The following PRKN variants were observed in gnomAD, a reference collection of about 807,000 sequenced individuals.
PRKN encodes the protein parkin RBR E3 ubiquitin protein ligase, also known as E3 ubiquitin-protein ligase parkin.
PRKN carries 56 observed loss-of-function variants against 59.5 expected under a neutral mutation model. The ratio of observed to expected loss-of-function variants is 0.94; its 90% confidence interval spans 0.76 to 1.18. The LOEUF (loss-of-function observed/expected upper bound fraction) is 1.18. PRKN is among the 50% of genes most tolerant of loss of function. The pLI is 0.00. For missense variants in PRKN, 657 were observed against 596.4 expected, an observed-to-expected ratio of 1.10 and a Z score of -1.06; for synonymous variants, 250 against 222.1, an observed-to-expected ratio of 1.13 and a Z score of -1.12.
At chr6:161,702,875 T>C (rs1371168464) in intron 7 of PRKN, among the ~76,000 whole-genome samples, 1 of 152,054 alleles carries the variant, frequency 6.6e-6, no homozygotes, top group African/African-American at 2.4e-5. Flanking sequence ...ATTTGATAAA[T>C]TGTATTTTAT....
At chr6:161,784,753 C>T (rs902522473) in intron 7 of PRKN, among the ~76,000 whole-genome samples, 2 of 151,982 alleles carry the variant, frequency 1.3e-5, no homozygotes, top group Non-Finnish European at 2.9e-5. Flanking sequence ...TTCTGCTTCT[C>T]GGTATATATC....
At chr6:162,210,314 AAAT>A (rs1785153018) in intron 3 of PRKN, among the ~76,000 whole-genome samples, 1 of 152,012 alleles carries the variant, frequency 6.6e-6, no homozygotes, top group Non-Finnish European at 1.5e-5. Flanking sequence ...AGGATTTTAA[AAAT>A]AATAATGGAG....
At chr6:161,675,619 T>A (rs559648176) in intron 7 of PRKN, among the ~76,000 whole-genome samples, 1 of 152,182 alleles carries the variant, frequency 6.6e-6, no homozygotes, top group Admixed American at 6.5e-5. Context: ...CTTGTCAACC[T>A]GTTATATGCT....
At chr6:161,415,609 ACCCCCCGC>A (rs1475378732) in intron 9 of PRKN, among the ~76,000 whole-genome samples, 82 of 28,494 alleles carry the variant, frequency 2.9e-3, no homozygotes, top group African/African-American at 9.2e-3. Context: ...CCCCCCCCCG[ACCCCCCGC>A]CAGCCCCCGA....
At chr6:162,553,428 G>A (rs1393662093) in intron 1 of PRKN, among the ~76,000 whole-genome samples, 1 of 151,340 alleles carries the variant, frequency 6.6e-6, no homozygotes, top group Non-Finnish European at 1.5e-5. Context: ...ATATAGGGGG[G>A]GTGCTGTAGA....
chr6:162,226,767 C>A (rs548252841), intron 3 of PRKN, among the ~76,000 whole-genome samples: 1 of 152,128 alleles, frequency 6.6e-6, no homozygotes, highest in African/African-American at 2.4e-5. Flanking sequence ...CTTTTGAAGT[C>A]GTGAACTGCC....
chr6:161,504,750 C>T (rs1308137213), intron 9 of PRKN, among the ~76,000 whole-genome samples: 14 of 148,800 alleles, frequency 9.4e-5, no homozygotes, highest in Non-Finnish European at 1.9e-4. Flanking sequence ...GTTCAATTCC[C>T]ACCTATGAGT....
At chr6:162,611,853 G>A (rs897176402) in intron 1 of PRKN, among the ~76,000 whole-genome samples, 3 of 152,144 alleles carry the variant, frequency 2.0e-5, no homozygotes, top group Non-Finnish European at 2.9e-5. Flanking sequence ...GTTATGACAA[G>A]AGTGTGAAAA....
Position 161,662,248 on chromosome 6 carries a change from T to A in PRKN, c.872-92832A>T, listed in dbSNP as rs111482927. Among the ~76,000 whole-genome samples the A allele has an allele frequency of 6.6e-3, 1,003 of 152,152 alleles. 4 individuals carry two copies. Among genetic ancestry groups the A allele is most frequent in the Non-Finnish European group, 0.011 (776 of 68,004 alleles). On this transcript the variant is annotated intron_variant, in intron 7 of 11. Coordinates refer to ENST00000366898, the MANE Select transcript of PRKN (RefSeq NM_004562.3). ...GGAATGTGCTATTTTGCGATGAGAT[T>A]TAGCCTGACTGCACTCTGCCTGTGC...
intron 1 of PRKN, among the ~76,000 whole-genome samples, chr6:162,539,807 T>A (rs1778855356): frequency 6.6e-6 from 1 of 152,168 alleles, no homozygotes; most frequent in South Asian, 2.1e-4. Flanking sequence ...CAGTGAAAGA[T>A]TATAAAGACA....
chr6:161,412,475 C>T (rs1163497734), intron 9 of PRKN, among the ~76,000 whole-genome samples: 4 of 150,028 alleles, frequency 2.7e-5, no homozygotes, highest in African/African-American at 9.8e-5. Context: ...CGCATTCCTC[C>T]ACTCACTCAT....
chr6:161,934,310 CT>C (rs1447961157), intron 6 of PRKN, among the ~76,000 whole-genome samples: 1 of 152,150 alleles, frequency 6.6e-6, no homozygotes, highest in Admixed American at 6.5e-5. Context: ...AAACCTCTTT[CT>C]TTTATGAATT....
At chr6:161,618,314 C>T (rs1274818454) in intron 7 of PRKN, among the ~76,000 whole-genome samples, 1 of 152,104 alleles carries the variant, frequency 6.6e-6, no homozygotes, top group Non-Finnish European at 1.5e-5. Flanking sequence ...CTTGTTGCCC[C>T]AGGATATGAA....
intron 4 of PRKN, among the ~76,000 whole-genome samples, chr6:162,093,069 C>A (rs1467449443): frequency 6.6e-6 from 1 of 152,180 alleles, no homozygotes; most frequent in Non-Finnish European, 1.5e-5. Context: ...CTAATTCTGT[C>A]GCTTCTAATT....
rs1457653329 is a variant in PRKN at position 161,350,419 on chromosome 6, A to AC, written c.1286-209_1286-208insG. ...AGTGATGATATTCATTAAGAAATGAATGAAATTGAAGCATGTCACTTTTGT... is the reference window on the plus strand; with the variant it reads ...AGTGATGATATTCATTAAGAAATGAACTGAAATTGAAGCATGTCACTTTTGT... On this transcript the variant is annotated intron_variant, in intron 11 of 11. Coordinates refer to ENST00000366898, the MANE Select transcript of PRKN (RefSeq NM_004562.3). 5.3e-5 allele frequency among the ~76,000 whole-genome samples: 8 copies of AC among 151,852 alleles called. No individual in the cohort carries two copies. In the South Asian group the frequency reaches 1.7e-3, roughly 31 times the overall value.
chr6:162,514,614 G>C (rs1184064378), intron 1 of PRKN, among the ~76,000 whole-genome samples: 1 of 152,184 alleles, frequency 6.6e-6, no homozygotes, highest in East Asian at 1.9e-4. Flanking sequence ...TATTGCACAG[G>C]AGGAGAATAT....
intron 2 of PRKN, among the ~76,000 whole-genome samples, chr6:162,350,072 A>G (rs1184914711): frequency 2.0e-5 from 3 of 152,194 alleles, no homozygotes; most frequent in African/African-American, 7.2e-5. Context: ...GTTGGAAATT[A>G]AAACGTTAAC....
At chr6:161,723,680 G>A (rs1207475466) in intron 7 of PRKN, among the ~76,000 whole-genome samples, 1 of 152,066 alleles carries the variant, frequency 6.6e-6, no homozygotes, top group East Asian at 1.9e-4. Flanking sequence ...TTTACACCCA[G>A]GGCCACTAGT....
chr6:161,880,484 C>G (rs919781218), intron 6 of PRKN, among the ~76,000 whole-genome samples: 1 of 152,056 alleles, frequency 6.6e-6, no homozygotes, highest in Non-Finnish European at 1.5e-5. Flanking sequence ...TTATTTTTCC[C>G]CCACAGTATT....
Sources: gnomAD v4.1 joint callset for allele counts (sites outside exome capture counted in the v4.1 genomes callset) on GRCh38, gnomAD v4.1.1 for gene constraint, MANE v1.5 for transcripts, NCBI Gene and HGNC (gene_info 2026-07-23, HGNC 2026-07-21) for gene names.